PACRGL: variants seen among roughly 807,000 people sequenced by gnomAD.
PACRGL encodes the protein PACRG-like protein.
In PACRGL, 38 loss-of-function variants were observed where a neutral mutation model predicts 34.5. The observed-to-expected ratio is 1.10, with a 90% confidence interval of 0.85 to 1.44. The LOEUF (loss-of-function observed/expected upper bound fraction) is 1.44. Among genes scored for constraint, PACRGL ranks in the 40% most tolerant of loss-of-function variants. The pLI, the probability that PACRGL is intolerant of heterozygous loss-of-function variation, is 0.00. For missense variants in PACRGL, 305 were observed against 281.4 expected (o/e 1.08, Z -0.60); for synonymous variants, 128 against 100.1 (o/e 1.28, Z -1.66).
intron 8 of PACRGL, 71 bp from the exon 9 acceptor site, chr4:20,727,214 C>G (rs112613730): frequency 7.5e-7 from 1 of 1,328,094 alleles, no homozygotes; most frequent in African/African-American, 1.5e-5. Context: ...TAGGCATATT[C>G]CTGCAAATAT....
chr4:20,700,236 G>T (rs1731582812), upstream of PACRGL, among the ~76,000 whole-genome samples: 2 of 152,206 alleles, frequency 1.3e-5, no homozygotes, highest in Admixed American at 1.3e-4. Flanking sequence ...CTGCTCTCCG[G>T]ACCTCTTATT....
At chr4:20,746,130 A>G (rs1355608468) in intron 8 of PACRGL, among the ~76,000 whole-genome samples, 2 of 152,208 alleles carry the variant, frequency 1.3e-5, no homozygotes, top group African/African-American at 4.8e-5. Context: ...ACCAACCCAA[A>G]TGTCCATCAA....
At chr4:20,709,359 A>G (rs1274102863) in intron 4 of PACRGL, among the ~76,000 whole-genome samples, 1 of 152,048 alleles carries the variant, frequency 6.6e-6, no homozygotes, top group Non-Finnish European at 1.5e-5. Flanking sequence ...TTTTGTTTGC[A>G]TTTTTTCATT....
Position 20,727,363 on chromosome 4 carries a change from G to GT in PACRGL, c.*28dup, listed in dbSNP as rs778504014. The GT allele has an allele frequency of 3.1e-6, 5 of 1,589,578 alleles. No individual in the cohort carries two copies. The highest frequency in any genetic ancestry group is 1.7e-5 in the Admixed American group (1 of 59,804). On this transcript the variant is annotated 3_prime_UTR_variant, in exon 9 of 9. Coordinates refer to ENST00000503585, the MANE Select transcript of PACRGL (RefSeq NM_001258345.3). ...TTGAAGAAGGGAGCCAACAAAAATT[G>GT]TTTTTTCTACCTGTTGACGTGTCAA...
At chr4:20,766,363 C>T in the PACRGL span, among the ~76,000 whole-genome samples, 2 of 152,030 alleles carry the variant, frequency 1.3e-5, no homozygotes, top group African/African-American at 4.8e-5. Flanking sequence ...GAAATCAGTT[C>T]GAGACCAGCT....
intron 8 of PACRGL, among the ~76,000 whole-genome samples, chr4:20,748,560 T>TATATATA (rs1752879061): frequency 1.5e-5 from 1 of 64,910 alleles, no homozygotes; most frequent in Admixed American, 1.6e-4. Flanking sequence ...CTTCCAAATT[T>TATATATA]TATATATATA....
intron 8 of PACRGL, among the ~76,000 whole-genome samples, chr4:20,739,015 T>G (rs913726331): frequency 6.6e-6 from 1 of 152,122 alleles, no homozygotes; most frequent in Non-Finnish European, 1.5e-5. Flanking sequence ...GAGATCGAAC[T>G]GCAAGGCAAC....
intron 7 of PACRGL, chr4:20,716,383 T>TGC: frequency 1.7e-6 from 1 of 576,946 alleles, no homozygotes; most frequent in Non-Finnish European, 3.0e-6. Flanking sequence ...AGTTCTAGGG[T>TGC]ACATGTGCAC....
At chr4:20,739,278 C>A (rs891694261) in intron 8 of PACRGL, among the ~76,000 whole-genome samples, 1 of 152,216 alleles carries the variant, frequency 6.6e-6, no homozygotes, top group African/African-American at 2.4e-5. Context: ...AGACAGACTG[C>A]CTCCTCAAGT....
In PACRGL at chr4:20,724,790, C is replaced by G. The variant is rs760296802; in HGVS notation, c.610-18C>G. The G allele has an allele frequency of 1.6e-5, 23 of 1,418,864 alleles. No individual in the cohort carries two copies. Among genetic ancestry groups the G allele is most frequent in the African/African-American group, 2.9e-5 (2 of 68,424 alleles). The allele number at this position is 1,418,864 out of a possible 1,614,324, so 87.9% of individuals were successfully genotyped here. On this transcript the variant is annotated intron_variant, in intron 7 of 8. Coordinates refer to ENST00000503585, the MANE Select transcript of PACRGL (RefSeq NM_001258345.3). ...AAGTTTAAAGTCATTTCGTTTCCCC[C>G]TAATCTTACTTTAAAAGCTTTCCAA...
chr4:20,709,734 A>G lies in PACRGL; in HGVS notation c.327A>G (p.Glu109=). The change falls in exon 5 of 9, where the codon GAA becomes GAG. Residue 109 remains glutamate (E), a synonymous_variant. Transcript: ENST00000503585. ...KHRLQWECPP[E]SLSFDPLLIT... ...GATTACAGTGGGAATGTCCTCCTGA[A>G]AGTCTTTCATTTGATCCACTTCTTA... is the stretch of plus-strand genomic sequence containing the variant. 6.8e-6 allele frequency: 11 copies of G among 1,610,020 alleles called. No individual in the cohort carries two copies. The highest frequency in any genetic ancestry group is 1.3e-5 in the African/African-American group (1 of 74,934).
chr4:20,712,446 A>G (rs1465721754), intron 5 of PACRGL, among the ~76,000 whole-genome samples: 1 of 151,986 alleles, frequency 6.6e-6, no homozygotes, highest in Admixed American at 6.6e-5. Context: ...TTGATGAAGC[A>G]TTTCCATTGT....
intron 7 of PACRGL, among the ~76,000 whole-genome samples, chr4:20,723,082 T>C (rs1283931275): frequency 6.6e-6 from 1 of 152,200 alleles, no homozygotes; most frequent in Non-Finnish European, 1.5e-5. Context: ...AGGATAGGTA[T>C]GCTCATAGGT....
At chr4:20,727,196 A>G in intron 8 of PACRGL, 89 bp from the exon 9 acceptor site, 3 of 1,165,060 alleles carry the variant, frequency 2.6e-6, no homozygotes, top group Non-Finnish European at 3.7e-6. Context: ...TGAGTTTTAG[A>G]TACTTTCTAG....
the PACRGL span, among the ~76,000 whole-genome samples, chr4:20,764,965 C>T: frequency 6.6e-6 from 1 of 152,122 alleles, no homozygotes; most frequent in Non-Finnish European, 1.5e-5. Flanking sequence ...TTCATCAACC[C>T]TGAAAGGTGG....
intron 8 of PACRGL, among the ~76,000 whole-genome samples, chr4:20,745,137 C>T (rs1033095491): frequency 1.3e-5 from 2 of 152,168 alleles, no homozygotes; most frequent in Non-Finnish European, 2.9e-5. Context: ...CTTCTTGCAG[C>T]CCTACAGGGT....
intron 8 of PACRGL, among the ~76,000 whole-genome samples, chr4:20,740,447 A>G (rs1379439320): frequency 6.6e-6 from 1 of 152,126 alleles, no homozygotes; most frequent in African/African-American, 2.4e-5. Context: ...AGAATTTTCA[A>G]CCCAGAATTT....
At chr4:20,715,703 C>T (rs910436932) in intron 7 of PACRGL, among the ~76,000 whole-genome samples, 3 of 151,956 alleles carry the variant, frequency 2.0e-5, no homozygotes, top group African/African-American at 4.8e-5. Context: ...CCCATCTCTA[C>T]TAAAATACAA....
intron 7 of PACRGL, 70 bp downstream of exon 7, chr4:20,713,609 TA>T (rs1738370969): frequency 9.9e-6 from 13 of 1,313,826 alleles, no homozygotes; most frequent in Middle Eastern, 1.9e-4. Flanking sequence ...CTTCATGATT[TA>T]ACAATTTCAA....
Sources: allele counts gnomAD v4.1 joint callset (sites outside exome capture counted in the v4.1 genomes callset), GRCh38; gene constraint gnomAD v4.1.1; transcripts MANE v1.5; gene names NCBI Gene and HGNC (gene_info 2026-07-23, HGNC 2026-07-21).